Variants in CRTAC1 observed in about 807,000 individuals in gnomAD.
CRTAC1 encodes the protein acidic secreted protein in cartilage.
A neutral mutation model predicts 67.8 loss-of-function variants in CRTAC1; 37 were observed. The ratio of observed to expected loss-of-function variants is 0.55; its 90% CI spans 0.42 to 0.72. The LOEUF (loss-of-function observed/expected upper bound fraction) is 0.72, where lower values mean the gene tolerates loss of function less well. Among genes scored for constraint, CRTAC1 ranks in the 30% least tolerant of loss-of-function variants. The pLI is 0.00. For missense variants in CRTAC1, 780 were observed against 931.6 expected, an observed-to-expected ratio of 0.84 and a Z score of 2.12; for synonymous variants, 348 against 371.0, an observed-to-expected ratio of 0.94 and a Z score of 0.71.
At position 97,975,595 on chromosome 10, in the gene CRTAC1, A is replaced by T. The variant is rs2051787342; in HGVS notation, c.224+35543T>A. ...AAGGACGTGGGGCACCATTTCTGTTACAACTGGCAGCCAGTCTTCTGCATA... is the reference window on the plus strand; with the variant it reads ...AAGGACGTGGGGCACCATTTCTGTTTCAACTGGCAGCCAGTCTTCTGCATA... On this transcript the variant is annotated intron_variant, in intron 2 of 14. Coordinates refer to ENST00000370597, the MANE Select transcript of CRTAC1 (RefSeq NM_018058.7). The surrounding 1 kb of genome is among the most constrained non-coding windows in gnomAD (Gnocchi z 4.8). Among the ~76,000 whole-genome samples the T allele has an allele frequency of 6.6e-6, 1 of 152,176 alleles. No homozygotes were observed. The highest frequency in any genetic ancestry group is 1.5e-5 in the Non-Finnish European group (1 of 68,020).
intron 2 of CRTAC1, among the ~76,000 whole-genome samples, chr10:97,972,311 A>G (rs529319937): frequency 2.0e-5 from 3 of 152,354 alleles, no homozygotes; most frequent in Admixed American, 1.3e-4. Context: ...AGTGCACATC[A>G]CAACTAGCAG....
chr10:97,950,242 C>CAGAGAGAGAGAGAGAG (rs1160076016), intron 2 of CRTAC1, among the ~76,000 whole-genome samples: 12 of 117,494 alleles, frequency 1.0e-4, no homozygotes, highest in Non-Finnish European at 2.0e-4. Flanking sequence ...TGCACACACA[C>CAGAGAGAGAGAGAGAG]ACACAGAGAG....
chr10:97,952,309 G>A (rs570434176), intron 2 of CRTAC1, among the ~76,000 whole-genome samples: 33 of 151,166 alleles, frequency 2.2e-4, no homozygotes, highest in South Asian at 1.5e-3. Context: ...CTGAAATTGC[G>A]CCACTGCACT....
chr10:97,917,268 C>T (rs1185145362), intron 5 of CRTAC1, among the ~76,000 whole-genome samples: 2 of 152,220 alleles, frequency 1.3e-5, no homozygotes, highest in Admixed American at 1.3e-4. Flanking sequence ...GATGTCCCCT[C>T]TTGGGTACCC....
At chr10:97,935,028 C>T (rs914774730) in intron 3 of CRTAC1, among the ~76,000 whole-genome samples, 5 of 152,124 alleles carry the variant, frequency 3.3e-5, no homozygotes, top group African/African-American at 1.2e-4. Flanking sequence ...GAGCACAGCC[C>T]CCAAATCATG....
At chr10:97,927,431 C>T (rs150832856) in intron 3 of CRTAC1, among the ~76,000 whole-genome samples, 327 of 152,304 alleles carry the variant, frequency 2.1e-3, no homozygotes, top group Non-Finnish European at 3.5e-3. Flanking sequence ...CCCAAATGTT[C>T]CTTGGCCATG....
At chr10:97,931,062 T>C (rs2050996600) in intron 3 of CRTAC1, among the ~76,000 whole-genome samples, 1 of 152,236 alleles carries the variant, frequency 6.6e-6, no homozygotes, top group South Asian at 2.1e-4. Context: ...GCAGAGGCTA[T>C]GAGCAGATAA....
chr10:97,874,963 C>T (rs755974670), intron 14 of CRTAC1, among the ~76,000 whole-genome samples: 10 of 152,216 alleles, frequency 6.6e-5, no homozygotes, highest in Non-Finnish European at 1.2e-4. Flanking sequence ...GTGCCTGCCA[C>T]GTCTTGCTAG....
chr10:97,969,780 G>A (rs1425257367), intron 2 of CRTAC1, among the ~76,000 whole-genome samples: 2 of 151,988 alleles, frequency 1.3e-5, no homozygotes, highest in East Asian at 1.9e-4. Context: ...ACAGCAAAGG[G>A]TGCAAATGGT....
chr10:97,882,473 T>C (rs919126647), intron 13 of CRTAC1, among the ~76,000 whole-genome samples: 3 of 152,188 alleles, frequency 2.0e-5, no homozygotes, highest in African/African-American at 7.2e-5. Flanking sequence ...GGCCATGGCA[T>C]GTGGCTATTC....
At chr10:97,877,248 C>T (rs973313045) in intron 14 of CRTAC1, among the ~76,000 whole-genome samples, 1 of 152,186 alleles carries the variant, frequency 6.6e-6, no homozygotes, top group African/African-American at 2.4e-5. Flanking sequence ...TTAGAAAGCC[C>T]CTTGGTGTCC....
intron 11 of CRTAC1, among the ~76,000 whole-genome samples, chr10:97,894,204 G>C (rs2050417977): frequency 6.6e-6 from 1 of 152,174 alleles, no homozygotes; most frequent in South Asian, 2.1e-4. Context: ...CAGTGTAGCT[G>C]TATCATTTTA....
chr10:97,920,411 A>T (rs2050819893), intron 4 of CRTAC1, among the ~76,000 whole-genome samples: 1 of 152,240 alleles, frequency 6.6e-6, no homozygotes, highest in African/African-American at 2.4e-5. Flanking sequence ...TTCCAAGGGA[A>T]GGAAGATGTT....
At chr10:97,870,630 G>T (rs1182191193) in intron 14 of CRTAC1, 1 of 152,050 alleles carries the variant, frequency 6.6e-6, no homozygotes, top group East Asian at 1.9e-4. Context: ...AAAGCCTGTT[G>T]GCTACAAAAT....
chr10:97,976,046 G>A (rs573153313), intron 2 of CRTAC1, among the ~76,000 whole-genome samples: 38 of 152,304 alleles, frequency 2.5e-4, no homozygotes, highest in African/African-American at 8.9e-4. Context: ...GACACTCCAG[G>A]GACAGGGAGG....
chr10:97,899,493 C>G (rs973853984), intron 8 of CRTAC1, among the ~76,000 whole-genome samples: 1 of 152,190 alleles, frequency 6.6e-6, no homozygotes, highest in African/African-American at 2.4e-5. Flanking sequence ...GCACTAGATT[C>G]CTCAGTGCTC....
At chr10:98,025,024 G>T (rs969500608) in intron 1 of CRTAC1, among the ~76,000 whole-genome samples, 30 of 152,124 alleles carry the variant, frequency 2.0e-4, no homozygotes, top group African/African-American at 6.5e-4. Context: ...TGGGTAAAAC[G>T]GTCTCAGGAG....
chr10:98,013,133 C>T lies in CRTAC1; in HGVS notation c.25-1796G>A, dbSNP rs149159225. On this transcript the variant is annotated intron_variant, in intron 1 of 14. Coordinates refer to ENST00000370597, the MANE Select transcript of CRTAC1 (RefSeq NM_018058.7). Reference sequence around the variant, plus strand: ...GTCATTGGACTTTTCAAGGGATGACCTCTATTGTAGTGAATGGCAAAGGAG... The same window carrying T: ...GTCATTGGACTTTTCAAGGGATGACTTCTATTGTAGTGAATGGCAAAGGAG... Among the ~76,000 whole-genome samples the T allele has an allele frequency of 1.7e-4, 26 of 152,242 alleles. No individual in the cohort carries two copies. In the East Asian group the frequency reaches 5.0e-3, roughly 29 times the overall value.
At chr10:98,023,984 C>T (rs1358845300) in intron 1 of CRTAC1, among the ~76,000 whole-genome samples, 2 of 152,226 alleles carry the variant, frequency 1.3e-5, no homozygotes, top group Non-Finnish European at 2.9e-5. Flanking sequence ...CTTCCAGCTC[C>T]CAGGCCTGTT....
Sources: gnomAD v4.1 joint callset for allele counts (sites outside exome capture counted in the v4.1 genomes callset) on GRCh38, gnomAD v4.1.1 for gene constraint, Gnocchi (gnomAD v3.1) non-coding constraint, MANE v1.5 for transcripts, NCBI Gene and HGNC (gene_info 2026-07-23, HGNC 2026-07-21) for gene names.